TMEM132D: variants seen among roughly 807,000 people sequenced by gnomAD.
TMEM132D encodes mature OL transmembrane protein.
A neutral mutation model predicts 62.3 loss-of-function variants in TMEM132D; 21 were observed. The ratio of observed to expected loss-of-function variants is 0.34; its 90% CI spans 0.24 to 0.49. The LOEUF is 0.49. Ranked by LOEUF, TMEM132D falls within the 20% of genes least tolerant of loss-of-function variation. The probability of loss-of-function intolerance (pLI) is 0.99; values close to 1 mark genes in which losing one functional copy is unlikely to be tolerated. For missense variants in TMEM132D, 1,346 were observed against 1,402.8 expected (o/e 0.96, Z 0.65); for synonymous variants, 621 against 575.6 (o/e 1.08, Z -1.13).
intron 5 of TMEM132D, chr12:129,085,230 C>T (rs1211984431): frequency 6.3e-6 from 1 of 158,938 alleles, no homozygotes; most frequent in African/African-American, 2.4e-5. Context: ...TCTTCTTCCC[C>T]TTCTACTGTC....
At chr12:129,456,788 T>C (rs1180990139) in intron 3 of TMEM132D, among the ~76,000 whole-genome samples, 1 of 152,202 alleles carries the variant, frequency 6.6e-6, no homozygotes, top group African/African-American at 2.4e-5. Context: ...CTCGGGTTCC[T>C]GGTTTTGTGT....
At chr12:129,639,877 A>G (rs888451540) in intron 2 of TMEM132D, among the ~76,000 whole-genome samples, 2 of 152,128 alleles carry the variant, frequency 1.3e-5, no homozygotes, top group African/African-American at 4.8e-5. Flanking sequence ...GATTTGGGAT[A>G]ATTGTGAAAC....
chr12:129,518,995 T>C (rs1875766433), intron 3 of TMEM132D, among the ~76,000 whole-genome samples: 1 of 152,194 alleles, frequency 6.6e-6, no homozygotes, highest in African/African-American at 2.4e-5. Context: ...TACAATTCCA[T>C]TCATGTGAAG....
chr12:129,644,194 G>A (rs1362701591), intron 2 of TMEM132D, among the ~76,000 whole-genome samples: 1 of 152,020 alleles, frequency 6.6e-6, no homozygotes, highest in East Asian at 1.9e-4. Context: ...ACCAAGCTGT[G>A]CCCCAACCAC....
chr12:129,724,707 G>C (rs1868967482), intron 1 of TMEM132D, among the ~76,000 whole-genome samples: 1 of 151,852 alleles, frequency 6.6e-6, no homozygotes, highest in Non-Finnish European at 1.5e-5. Flanking sequence ...ACTTTTAGTA[G>C]AGACGGGGTT....
intron 5 of TMEM132D, among the ~76,000 whole-genome samples, chr12:129,100,920 C>T (rs1486639): frequency 0.14 from 21,274 of 152,170 alleles, 5,013 homozygotes; most frequent in African/African-American, 0.48. Flanking sequence ...GTCTGGGGGT[C>T]GGTGGCAGGG....
At chr12:129,720,075 A>G (rs1343782356) in intron 1 of TMEM132D, among the ~76,000 whole-genome samples, 17 of 152,224 alleles carry the variant, frequency 1.1e-4, no homozygotes. Context: ...GAAGGGATTC[A>G]TGTCAGACAC....
intron 3 of TMEM132D, among the ~76,000 whole-genome samples, chr12:129,465,716 T>A (rs1313540837): frequency 6.6e-6 from 1 of 152,212 alleles, no homozygotes; most frequent in Non-Finnish European, 1.5e-5. Flanking sequence ...ACAGTCTTGC[T>A]CTGTCACCCA....
intron 1 of TMEM132D, among the ~76,000 whole-genome samples, chr12:129,715,467 T>C (rs1868537202): frequency 6.6e-6 from 1 of 152,200 alleles, no homozygotes; most frequent in South Asian, 2.1e-4. Context: ...CACACCTTTC[T>C]AAGTTTTCCA....
intron 5 of TMEM132D, among the ~76,000 whole-genome samples, chr12:129,180,040 A>T (rs914764426): frequency 2.5e-5 from 1 of 39,610 alleles, no homozygotes; most frequent in Non-Finnish European, 6.0e-5. Flanking sequence ...AAAGAAAATA[A>T]AAAAAAAAAA....
At chr12:129,803,349 A>T (rs1323728995) in intron 1 of TMEM132D, among the ~76,000 whole-genome samples, 1 of 151,868 alleles carries the variant, frequency 6.6e-6, no homozygotes, top group Admixed American at 6.6e-5. Flanking sequence ...CTCTCAGACC[A>T]CAGTGCAATC....
At chr12:129,347,793 A>AT (rs1179521619) in intron 3 of TMEM132D, among the ~76,000 whole-genome samples, 8 of 152,196 alleles carry the variant, frequency 5.3e-5, no homozygotes, top group Non-Finnish European at 1.2e-4. Context: ...ATGGGAGAAC[A>AT]TTTTTGCAAT....
At chr12:129,741,588 C>A (rs1413101546) in intron 1 of TMEM132D, among the ~76,000 whole-genome samples, 1 of 152,160 alleles carries the variant, frequency 6.6e-6, no homozygotes, top group Non-Finnish European at 1.5e-5. Flanking sequence ...TGTTCTCTCC[C>A]TGGATGGCAA....
intron 4 of TMEM132D, among the ~76,000 whole-genome samples, chr12:129,256,419 T>G (rs1001908872): frequency 1.3e-5 from 2 of 151,696 alleles, no homozygotes; most frequent in Admixed American, 1.3e-4. Flanking sequence ...CAGAGTAAAA[T>G]CCATTTATTT....
intron 1 of TMEM132D, among the ~76,000 whole-genome samples, chr12:129,859,445 A>C (rs946576971): frequency 1.3e-5 from 2 of 152,220 alleles, no homozygotes; most frequent in Non-Finnish European, 2.9e-5. Flanking sequence ...TAAAATTACA[A>C]CATGTGATGG....
intron 1 of TMEM132D, among the ~76,000 whole-genome samples, chr12:129,714,950 G>A (rs550259174): frequency 7.2e-5 from 11 of 152,270 alleles, no homozygotes; most frequent in South Asian, 4.2e-4. Flanking sequence ...CTAACAATGC[G>A]TAAGCCGCTC....
At chr12:129,587,977 C>G (rs1878078002) in intron 2 of TMEM132D, among the ~76,000 whole-genome samples, 1 of 152,194 alleles carries the variant, frequency 6.6e-6, no homozygotes, top group Non-Finnish European at 1.5e-5. Flanking sequence ...CTGAGCTCCT[C>G]CTGGAGACAC....
In TMEM132D at chr12:129,795,284, G is replaced by A. The variant is rs149681731; in HGVS notation, c.80-94586C>T. 7.2e-3 allele frequency among the ~76,000 whole-genome samples: 1,100 copies of A among 152,200 alleles called. 14 individuals carry two copies. Among genetic ancestry groups the A allele is most frequent in the African/African-American group, 0.025 (1,056 of 41,506 alleles). On this transcript the variant is annotated intron_variant, in intron 1 of 8. Coordinates refer to ENST00000422113, the MANE Select transcript of TMEM132D (RefSeq NM_133448.3). ...CCAATGCTATGGGATGCCGGCTCACGGAAGCCCTCCCAGCGTGCACTGGGC... is the reference window on the plus strand; with the variant it reads ...CCAATGCTATGGGATGCCGGCTCACAGAAGCCCTCCCAGCGTGCACTGGGC...
chr12:129,559,691 A>G (rs1222447604), intron 2 of TMEM132D, among the ~76,000 whole-genome samples: 1 of 152,238 alleles, frequency 6.6e-6, no homozygotes, highest in Non-Finnish European at 1.5e-5. Flanking sequence ...AGTGTTTATT[A>G]AAAGTCCTTC....
Sources: gnomAD v4.1 joint callset for allele counts (sites outside exome capture counted in the v4.1 genomes callset) on GRCh38, gnomAD v4.1.1 for gene constraint, MANE v1.5 for transcripts, NCBI Gene and HGNC (gene_info 2026-07-23, HGNC 2026-07-21) for gene names.